The following GALNT14 variants were observed in gnomAD, a reference collection of about 807,000 sequenced individuals.
GALNT14 encodes UDP-GalNAc:polypeptide N-acetylgalactosaminyltransferase 14.
A neutral mutation model predicts 77.5 loss-of-function variants in GALNT14; 60 were observed. That is an observed-to-expected ratio of 0.77 (90% confidence interval 0.63 to 0.96). GALNT14 has a LOEUF of 0.96. Ranked by LOEUF, GALNT14 falls within the 40% of genes least tolerant of loss-of-function variation. The pLI is 0.00. For synonymous variants in GALNT14, 280 were observed against 281.7 expected (o/e 0.99, Z 0.06); for missense variants, 710 against 731.0 (o/e 0.97, Z 0.33).
At chr2:31,124,639 GAA>G (rs759211116) in intron 1 of GALNT14, among the ~76,000 whole-genome samples, 24 of 152,082 alleles carry the variant, frequency 1.6e-4, no homozygotes, top group Non-Finnish European at 2.9e-4. Flanking sequence ...GTTTGTTTTT[GAA>G]ACAGGGTCTC....
intron 1 of GALNT14, among the ~76,000 whole-genome samples, chr2:31,024,218 T>G (rs1671906245): frequency 6.6e-6 from 1 of 152,102 alleles, no homozygotes; most frequent in Non-Finnish European, 1.5e-5. Flanking sequence ...TGACCCCATC[T>G]CTTACCTGAA....
At chr2:31,124,116 T>G (rs1678566758) in intron 1 of GALNT14, among the ~76,000 whole-genome samples, 1 of 152,192 alleles carries the variant, frequency 6.6e-6, no homozygotes. Context: ...TCGGACAAAC[T>G]TGATCCAGTG....
intron 11 of GALNT14, among the ~76,000 whole-genome samples, chr2:30,926,749 C>T (rs1279629159): frequency 8.5e-6 from 1 of 118,012 alleles, no homozygotes; most frequent in Non-Finnish European, 1.8e-5. Flanking sequence ...CCAGAGGGGC[C>T]GGGGGTGGGA....
intron 11 of GALNT14, among the ~76,000 whole-genome samples, chr2:30,927,655 T>C (rs1328884888): frequency 6.6e-6 from 1 of 152,182 alleles, no homozygotes; most frequent in Non-Finnish European, 1.5e-5. Context: ...TGGGTTGGTT[T>C]GTTTTGGGAA....
intron 1 of GALNT14, among the ~76,000 whole-genome samples, chr2:31,089,200 T>C (rs994306320): frequency 1.2e-4 from 19 of 152,182 alleles, no homozygotes; most frequent in Non-Finnish European, 2.5e-4. Flanking sequence ...ATTTGCAATC[T>C]CAACTCGAGT....
chr2:30,944,766 T>C, intron 8 of GALNT14, 92 bp downstream of exon 8: 2 of 1,005,456 alleles, frequency 2.0e-6, no homozygotes, highest in Non-Finnish European at 2.8e-6. Flanking sequence ...GTCTGCTTGA[T>C]GCTTTGACAT....
chr2:31,103,678 A>G (rs1367619037), intron 1 of GALNT14, among the ~76,000 whole-genome samples: 1 of 152,160 alleles, frequency 6.6e-6, no homozygotes, highest in Non-Finnish European at 1.5e-5. Flanking sequence ...ACTCCCTGCT[A>G]TTATAGAATG....
chr2:31,035,616 C>CACACATACACACA (rs768333997), intron 1 of GALNT14, among the ~76,000 whole-genome samples: 1 of 37,866 alleles, frequency 2.6e-5, no homozygotes, highest in African/African-American at 1.4e-4. Context: ...CACACACACA[C>CACACATACACACA]CTACACACAC....
At chr2:31,068,613 C>A (rs1169269501) in intron 1 of GALNT14, among the ~76,000 whole-genome samples, 1 of 152,138 alleles carries the variant, frequency 6.6e-6, no homozygotes, top group Non-Finnish European at 1.5e-5. Context: ...TGCAAAGAAG[C>A]CACACTAGAG....
At chr2:31,098,192 A>G (rs1677091617) in intron 1 of GALNT14, among the ~76,000 whole-genome samples, 1 of 152,174 alleles carries the variant, frequency 6.6e-6, no homozygotes, top group East Asian at 1.9e-4. Flanking sequence ...CATTCTGCAA[A>G]CAAACACTCC....
Position 30,989,579 on chromosome 2 carries a change from TATAA to T in GALNT14, c.299+3255_299+3258del, listed in dbSNP as rs1221472568. On this transcript the variant is annotated intron_variant, in intron 2 of 14. Transcript: ENST00000349752. Reference sequence around the variant, plus strand: ...AATACCTTATATATATATATATATATATAAAAATATATATATTAGTAGATATATA... The same window carrying T: ...AATACCTTATATATATATATATATATAAATATATATATTAGTAGATATATA... Among the ~76,000 whole-genome samples, 358 of 127,190 alleles carry T rather than the reference TATAA, an allele frequency of 2.8e-3. 10 individuals carry two copies. Among genetic ancestry groups the T allele is most frequent in the Non-Finnish European group, 3.9e-3 (248 of 64,140 alleles). 83.4% of individuals were successfully genotyped at this position (127,190 alleles called of 152,430 possible). A position where few individuals can be genotyped will look rare whatever the true frequency, so the allele number is the denominator to read the frequency against.
At chr2:31,035,553 A>ATGTGTGTGTGTGTGTGTGTGTGTG (rs573163116) in intron 1 of GALNT14, among the ~76,000 whole-genome samples, 6 of 129,438 alleles carry the variant, frequency 4.6e-5, no homozygotes, top group Non-Finnish European at 9.7e-5. Context: ...GATAAAGAAA[A>ATGTGTGTGTGTGTGTGTGTGTGTG]TGTGTGTGTG....
At chr2:31,010,435 T>C (rs1670952884) in intron 1 of GALNT14, among the ~76,000 whole-genome samples, 1 of 152,134 alleles carries the variant, frequency 6.6e-6, no homozygotes, top group Admixed American at 6.5e-5. Flanking sequence ...CCATCTCTAC[T>C]AAAAATACAA....
intron 14 of GALNT14, 150 bp downstream of exon 14, chr2:30,912,073 C>A (rs1053216490): frequency 1.0e-6 from 1 of 954,434 alleles, no homozygotes; most frequent in South Asian, 1.6e-5. Flanking sequence ...GAGGGGATCC[C>A]AGGCAGCACT....
intron 1 of GALNT14, among the ~76,000 whole-genome samples, chr2:31,010,747 C>T (rs986707567): frequency 3.9e-5 from 6 of 152,208 alleles, no homozygotes; most frequent in African/African-American, 1.4e-4. Context: ...TGCAAACTCT[C>T]CACACTTACC....
intron 1 of GALNT14, among the ~76,000 whole-genome samples, chr2:31,113,171 G>C (rs1393729260): frequency 6.6e-6 from 1 of 152,216 alleles, no homozygotes; most frequent in Non-Finnish European, 1.5e-5. Context: ...TTCAGAAATT[G>C]ATGAAGCAAT....
chr2:31,067,233 G>T (rs1224294988), intron 1 of GALNT14, among the ~76,000 whole-genome samples: 1 of 152,182 alleles, frequency 6.6e-6, no homozygotes. Context: ...CAGTCTCAGT[G>T]CTCTGTGCTG....
the GALNT14 span, among the ~76,000 whole-genome samples, chr2:30,901,508 CAT>C: frequency 5.7e-4 from 86 of 150,456 alleles, no homozygotes; most frequent in African/African-American, 1.7e-3. Flanking sequence ...TAAATATATT[CAT>C]ATATATATAA....
In GALNT14 at chr2:30,912,349, AG is replaced by A. The variant is rs2148197304; in HGVS notation, c.1381-8del. On this transcript the variant is annotated splice_polypyrimidine_tract_variant and splice_region_variant and intron_variant, in intron 13 of 14. Coordinates refer to ENST00000349752, the MANE Select transcript of GALNT14 (RefSeq NM_024572.4). ...TGTATGTGAAGGCCCATACCTGGGG[AG>A]AAAGAGACCAGGAAGGTTTGTTCAG... is the stretch of plus-strand genomic sequence containing the variant. The A allele has an allele frequency of 6.2e-7, 1 of 1,613,626 alleles. No homozygotes were observed. Among genetic ancestry groups the A allele is most frequent in the South Asian group, 1.1e-5 (1 of 91,000 alleles).
Sources: gnomAD v4.1 joint callset for allele counts (sites outside exome capture counted in the v4.1 genomes callset) on GRCh38, gnomAD v4.1.1 for gene constraint, MANE v1.5 for transcripts, NCBI Gene and HGNC (gene_info 2026-07-23, HGNC 2026-07-21) for gene names.